EBF2: variants seen among roughly 807,000 people sequenced by gnomAD.
The protein encoded by EBF2 is transcription factor COE2.
A neutral mutation model predicts 72.8 loss-of-function variants in EBF2; 21 were observed. The ratio of observed to expected loss-of-function variants is 0.29; its 90% CI spans 0.20 to 0.42. EBF2 has a LOEUF of 0.42. EBF2 is among the 10% of genes least tolerant of loss of function. The pLI is 1.00. For synonymous variants in EBF2, 299 were observed against 274.2 expected, an observed-to-expected ratio of 1.09 and a Z score of -0.89; for missense variants, 637 against 731.2, an observed-to-expected ratio of 0.87 and a Z score of 1.49.
At chr8:25,964,286 T>C (rs911607563) in intron 6 of EBF2, among the ~76,000 whole-genome samples, 40 of 152,176 alleles carry the variant, frequency 2.6e-4, no homozygotes, top group African/African-American at 9.4e-4. Context: ...AACAAAAAAT[T>C]AAGATCATAT....
At chr8:26,041,128 G>C in intron 2 of EBF2, 126 bp from the exon 3 acceptor site, 1 of 1,097,596 alleles carries the variant, frequency 9.1e-7, no homozygotes. Context: ...GTAACCCCCT[G>C]TTCAGCCCTA....
Position 26,016,115 on chromosome 8 carries a change from C to A in EBF2, c.551+16970G>T, listed in dbSNP as rs550256048. Among the ~76,000 whole-genome samples the A allele has an allele frequency of 4.6e-5, 7 of 152,290 alleles. No individual in the cohort carries two copies. In the South Asian group the frequency reaches 1.5e-3, roughly 32 times the overall value. On this transcript the variant is annotated intron_variant, in intron 6 of 15. Transcript: ENST00000520164. The stretch of plus-strand genomic sequence containing the variant: ...TCTTTGAGATTTATGATGCCAGAAA[C>A]CTAAACCAGCTCTTTAGTGCAGGGA...
intron 7 of EBF2, among the ~76,000 whole-genome samples, chr8:25,893,162 C>G (rs1802811575): frequency 2.0e-5 from 3 of 151,968 alleles, no homozygotes; most frequent in African/African-American, 2.4e-5. Flanking sequence ...AAGAATCAAA[C>G]CACTCTTATA....
At position 25,844,774 on chromosome 8, in the gene EBF2, T is replaced by C. The variant is rs1258636593; in HGVS notation, c.1697-134A>G. ...AAGGAGATGGTGCCCTCAGCTGATA[T>C]GAGGACCTGTTCTCCAGGTTTGGTC... On this transcript the variant is annotated intron_variant, in intron 15 of 15. Transcript: ENST00000520164. The C allele has an allele frequency of 2.0e-5, 22 of 1,113,944 alleles. No homozygotes were observed. The East Asian group carries it at 5.0e-4, about 25-fold the overall frequency. The allele number at this position is 1,113,944 out of a possible 1,614,324, so 69.0% of individuals were successfully genotyped here.
intron 6 of EBF2, among the ~76,000 whole-genome samples, chr8:26,023,966 C>G (rs1340249994): frequency 1.3e-5 from 2 of 152,174 alleles, no homozygotes; most frequent in Non-Finnish European, 1.5e-5. Flanking sequence ...AATGGCACAA[C>G]TCAAAATCCT....
At chr8:25,849,581 G>A (rs557864284) in intron 15 of EBF2, among the ~76,000 whole-genome samples, 2 of 152,180 alleles carry the variant, frequency 1.3e-5, no homozygotes, top group South Asian at 2.1e-4. Context: ...AACATGAGAG[G>A]AGCAGCCTAA....
chr8:25,987,488 C>T (rs1804479914), intron 6 of EBF2, among the ~76,000 whole-genome samples: 1 of 152,156 alleles, frequency 6.6e-6, no homozygotes, highest in Admixed American at 6.5e-5. Flanking sequence ...CTTCAAAACA[C>T]AACCATCGTA....
chr8:25,866,361 G>C (rs1006015643), intron 10 of EBF2, among the ~76,000 whole-genome samples: 2 of 148,598 alleles, frequency 1.3e-5, no homozygotes, highest in African/African-American at 2.5e-5. Flanking sequence ...GTTCAATAAG[G>C]GTTATCAGGA....
chr8:26,036,083 C>T (rs572386964), intron 5 of EBF2, among the ~76,000 whole-genome samples: 104 of 152,280 alleles, frequency 6.8e-4, no homozygotes, highest in Middle Eastern at 6.8e-3. Flanking sequence ...AATATGTGTG[C>T]AATGCCGGGT....
At position 26,044,772 on chromosome 8, in the gene EBF2, C is replaced by A; in HGVS notation, c.88G>T (p.Val30Phe). Residue 30 changes from valine (V) to phenylalanine (F), a missense_variant, in exon 1 of 16, where the codon GTC becomes TTC. Physicochemically the swap from Val to Phe is conservative, Grantham distance 50. Around this residue, in one of 3 missense-constraint regions of EBF2, gnomAD observed 174 missense variants for 161.9 expected, o/e 1.07. Coordinates refer to ENST00000520164, the MANE Select transcript of EBF2 (RefSeq NM_022659.4). This position sits in a 1 kb window ranked among gnomAD's most constrained non-coding sequence, Gnocchi z 4.1. ...GAEMDSVRSW[V>F]RNVGVVDANV... ...GCGTCCACCACTCCGACATTCCGGA[C>A]CCAGGACCTGACCGAATCCATCTCC... is the stretch of plus-strand genomic sequence containing the variant. The A allele has an allele frequency of 6.2e-7, 1 of 1,614,184 alleles. No homozygotes were observed. The highest frequency in any genetic ancestry group is 1.7e-5 in the Admixed American group (1 of 60,008).
At chr8:25,865,609 T>C (rs1258032799) in intron 10 of EBF2, among the ~76,000 whole-genome samples, 2 of 152,102 alleles carry the variant, frequency 1.3e-5, no homozygotes, top group African/African-American at 4.8e-5. Context: ...CTTTTTTCTT[T>C]TGAGACAGGG....
At chr8:25,954,103 T>G (rs966039052) in intron 6 of EBF2, among the ~76,000 whole-genome samples, 1 of 152,250 alleles carries the variant, frequency 6.6e-6, no homozygotes, top group Admixed American at 6.5e-5. Flanking sequence ...TCTATCATGC[T>G]AGCAACATAA....
At chr8:25,977,231 G>A (rs1804283237) in intron 6 of EBF2, among the ~76,000 whole-genome samples, 1 of 152,144 alleles carries the variant, frequency 6.6e-6, no homozygotes, top group Non-Finnish European at 1.5e-5. Context: ...GGGTTTCAGA[G>A]CTGTCCCCTT....
At chr8:25,963,898 C>T (rs1243530161) in intron 6 of EBF2, among the ~76,000 whole-genome samples, 1 of 152,096 alleles carries the variant, frequency 6.6e-6, no homozygotes, top group East Asian at 1.9e-4. Context: ...TCTAATGGGG[C>T]TCTAGTTTAG....
intron 6 of EBF2, among the ~76,000 whole-genome samples, chr8:25,937,685 T>A (rs963121311): frequency 6.6e-6 from 1 of 152,152 alleles, no homozygotes; most frequent in Non-Finnish European, 1.5e-5. Context: ...TATATTATGT[T>A]TATATATGTC....
At position 26,021,844 on chromosome 8, in the gene EBF2, C is replaced by T. The variant is rs536871953; in HGVS notation, c.551+11241G>A. 8.5e-5 allele frequency among the ~76,000 whole-genome samples: 13 copies of T among 152,282 alleles called. No homozygotes were observed. The South Asian group carries it at 2.7e-3, about 32-fold the overall frequency. On this transcript the variant is annotated intron_variant, in intron 6 of 15. Transcript: ENST00000520164. ...TGACAGAGGAGTAAGCAAACCCGTG[C>T]TGATGCCAAATTTTACTGTGGTTAT... is the stretch of plus-strand genomic sequence containing the variant.
chr8:25,929,348 TAGAG>T (rs758551596), intron 6 of EBF2, among the ~76,000 whole-genome samples: 1 of 152,184 alleles, frequency 6.6e-6, no homozygotes, highest in Non-Finnish European at 1.5e-5. Flanking sequence ...CAACTCCTGT[TAGAG>T]AGAGAAGTAA....
chr8:26,038,983 A>G (rs893320672), intron 5 of EBF2, among the ~76,000 whole-genome samples: 9 of 152,352 alleles, frequency 5.9e-5, no homozygotes, highest in African/African-American at 2.2e-4. Context: ...AGCAATAGCC[A>G]AGTAAGGAAG....
chr8:26,025,132 G>A (rs993326323), intron 6 of EBF2, among the ~76,000 whole-genome samples: 4 of 152,076 alleles, frequency 2.6e-5, no homozygotes, highest in Admixed American at 2.0e-4. Context: ...GGTATTCCAG[G>A]TGGAAATAGT....
Sources: allele counts gnomAD v4.1 joint callset (sites outside exome capture counted in the v4.1 genomes callset), GRCh38; gene constraint gnomAD v4.1.1; regional missense constraint gnomAD v4.1.1; non-coding constraint Gnocchi (gnomAD v3.1); transcripts MANE v1.5; gene names NCBI Gene and HGNC (gene_info 2026-07-23, HGNC 2026-07-21).